The following UNC13C variants were observed in gnomAD, a reference collection of about 807,000 sequenced individuals.
UNC13C encodes the protein protein unc-13 homolog C.
A neutral mutation model predicts 245.4 loss-of-function variants in UNC13C; 174 were observed. The observed-to-expected ratio is 0.71, with a 90% CI of 0.63 to 0.80. The LOEUF is 0.80. UNC13C is among the 30% of genes least tolerant of loss of function. UNC13C has a pLI of 0.00. For synonymous variants in UNC13C, 992 were observed against 895.1 expected, an observed-to-expected ratio of 1.11 and a Z score of -1.93; for missense variants, 2,829 against 2,602.9, an observed-to-expected ratio of 1.09 and a Z score of -1.89.
At chr15:54,290,314 A>T (rs2037263832) in intron 10 of UNC13C, among the ~76,000 whole-genome samples, 1 of 152,074 alleles carries the variant, frequency 6.6e-6, no homozygotes, top group African/African-American at 2.4e-5. Flanking sequence ...ATAAGAAATA[A>T]TTAGGGTTCA....
the UNC13C span, among the ~76,000 whole-genome samples, chr15:53,883,847 C>T: frequency 6.6e-6 from 1 of 152,098 alleles, no homozygotes; most frequent in Non-Finnish European, 1.5e-5. Context: ...ACTTTGAAAG[C>T]CTCACTATTT....
intron 2 of UNC13C, chr15:54,050,264 G>A (rs1897220266): frequency 1.8e-6 from 1 of 557,602 alleles, no homozygotes; most frequent in Non-Finnish European, 3.5e-6. Flanking sequence ...GAGCCACTGT[G>A]TCGGCCACTG....
chr15:54,129,733 C>T (rs2031288349), intron 2 of UNC13C, among the ~76,000 whole-genome samples: 1 of 151,408 alleles, frequency 6.6e-6, no homozygotes, highest in South Asian at 2.1e-4. Flanking sequence ...AAAATCTTTA[C>T]TGTACCTTTA....
At chr15:54,510,031 A>G (rs796607756) in intron 23 of UNC13C, among the ~76,000 whole-genome samples, 2 of 152,300 alleles carry the variant, frequency 1.3e-5, no homozygotes, top group South Asian at 4.1e-4. Context: ...CATCATAGTA[A>G]GAAGAGTTGG....
At chr15:54,117,780 C>A (rs1183027936) in intron 2 of UNC13C, among the ~76,000 whole-genome samples, 2 of 152,042 alleles carry the variant, frequency 1.3e-5, no homozygotes, top group East Asian at 3.9e-4. Flanking sequence ...GGGATTTTGC[C>A]ATGTTGCCCA....
chr15:54,626,898 A>G lies in UNC13C; in HGVS notation c.6430A>G (p.Arg2144Gly). Residue 2144 changes from arginine (R) to glycine (G), a missense_variant, in exon 33 of 33, where the codon AGA (arginine) becomes GGA (glycine). Coordinates refer to ENST00000260323, the MANE Select transcript of UNC13C (RefSeq NM_001080534.3). ...HLSVKDYCFA[R>G]EDRIIGMTVI... ...CTCAGTTAAGGATTACTGCTTTGCC[A>G]GAGAAGATCGAATTATCGGAATGAC... The G allele has an allele frequency of 6.2e-7, 1 of 1,613,424 alleles. No homozygotes were observed. Among genetic ancestry groups the G allele is most frequent in the Non-Finnish European group, 8.5e-7 (1 of 1,179,572 alleles).
At chr15:53,890,779 T>C in the UNC13C span, among the ~76,000 whole-genome samples, 1 of 152,128 alleles carries the variant, frequency 6.6e-6, no homozygotes, top group Admixed American at 6.6e-5. Flanking sequence ...GTCTGGCTAG[T>C]GGCCTATCTA....
intron 30 of UNC13C, among the ~76,000 whole-genome samples, chr15:54,603,918 T>C (rs958639495): frequency 2.0e-5 from 3 of 152,140 alleles, no homozygotes; most frequent in African/African-American, 7.2e-5. Flanking sequence ...GCACGGCTTT[T>C]CTTTTTTTTT....
intron 19 of UNC13C, among the ~76,000 whole-genome samples, chr15:54,430,411 T>A (rs370585668): frequency 6.6e-6 from 1 of 151,866 alleles, no homozygotes; most frequent in South Asian, 2.1e-4. Flanking sequence ...ACTACTCTTT[T>A]CATGCTTCTT....
At chr15:54,262,065 T>A (rs1469007099) in intron 8 of UNC13C, among the ~76,000 whole-genome samples, 3 of 152,228 alleles carry the variant, frequency 2.0e-5, no homozygotes, top group Non-Finnish European at 4.4e-5. Context: ...ATTTTTTTAA[T>A]AACAAGAGGC....
chr15:54,014,383 A>G lies in UNC13C; in HGVS notation c.1480A>G (p.Lys494Glu), dbSNP rs771839902. 32 of 1,613,786 alleles carry G rather than the reference A, an allele frequency of 2.0e-5. No homozygotes were observed. Among genetic ancestry groups the G allele is most frequent in the Middle Eastern group, 3.3e-4 (2 of 6,084 alleles). ...ATCACACAGTGCTAGATCCAAGAAT[A>G]AAACTGCTAATAGCAGCAGAATTTC... ...SKSHSARSKN[K>E]TANSSRISNK... The change falls in exon 2 of 33, where the codon AAA becomes GAA. Residue 494 changes from lysine to glutamate, a missense_variant. Physicochemically the swap from Lys to Glu is moderately conservative, Grantham distance 56. Coordinates refer to ENST00000260323, the MANE Select transcript of UNC13C (RefSeq NM_001080534.3).
intron 8 of UNC13C, among the ~76,000 whole-genome samples, chr15:54,254,271 A>T (rs2036223924): frequency 6.6e-6 from 1 of 152,232 alleles, no homozygotes; most frequent in South Asian, 2.1e-4. Context: ...CTGGGCTCTC[A>T]GAGCTGCAAA....
At chr15:53,858,768 A>G in the UNC13C span, among the ~76,000 whole-genome samples, 1 of 152,148 alleles carries the variant, frequency 6.6e-6, no homozygotes, top group Non-Finnish European at 1.5e-5. Flanking sequence ...CTGTGGCCTA[A>G]TGGCTAACAC....
rs1039912255 is a variant in UNC13C at position 54,600,851 on chromosome 15, G to A, written c.6107-21476G>A. On this transcript the variant is annotated intron_variant, in intron 30 of 32. Coordinates refer to ENST00000260323, the MANE Select transcript of UNC13C (RefSeq NM_001080534.3). ...ATGTGGATGATATAGCATTGGATAC[G>A]TAAGCCCATACTCTCAGGTAATCTA... 2.6e-4 allele frequency among the ~76,000 whole-genome samples: 39 copies of A among 152,004 alleles called. 1 individual carries two copies. Among genetic ancestry groups the A allele is most frequent in the East Asian group, 3.9e-4 (2 of 5,180 alleles).
At chr15:54,298,331 T>C (rs1292706977) in intron 12 of UNC13C, among the ~76,000 whole-genome samples, 3 of 152,202 alleles carry the variant, frequency 2.0e-5, no homozygotes, top group Non-Finnish European at 4.4e-5. Context: ...GTAATTGTGT[T>C]TGAGAACTCC....
intron 10 of UNC13C, among the ~76,000 whole-genome samples, chr15:54,272,084 C>T (rs529423354): frequency 1.7e-4 from 26 of 152,336 alleles, no homozygotes; most frequent in African/African-American, 6.0e-4. Flanking sequence ...AATCCTTAAC[C>T]TCTTTGAATC....
intron 4 of UNC13C, among the ~76,000 whole-genome samples, chr15:54,150,202 G>C (rs1472806132): frequency 6.6e-6 from 1 of 152,160 alleles, no homozygotes; most frequent in Non-Finnish European, 1.5e-5. Flanking sequence ...GATTTAACAA[G>C]ATTCTTATCC....
At chr15:54,201,557 C>T (rs1244203468) in intron 4 of UNC13C, among the ~76,000 whole-genome samples, 1 of 151,730 alleles carries the variant, frequency 6.6e-6, no homozygotes, top group Non-Finnish European at 1.5e-5. Context: ...GAATTGAAAA[C>T]AAAAGTCACA....
intron 2 of UNC13C, among the ~76,000 whole-genome samples, chr15:54,139,501 TG>T (rs947092040): frequency 6.6e-6 from 1 of 152,222 alleles, no homozygotes; most frequent in African/African-American, 2.4e-5. Flanking sequence ...GTCAAAACAG[TG>T]TATTGATAGA....
Sources: allele counts gnomAD v4.1 joint callset (sites outside exome capture counted in the v4.1 genomes callset), GRCh38; gene constraint gnomAD v4.1.1; transcripts MANE v1.5; gene names NCBI Gene and HGNC (gene_info 2026-07-23, HGNC 2026-07-21).